The following IL1R1 variants were observed in gnomAD, a reference collection of about 807,000 sequenced individuals.
IL1R1 encodes the protein interleukin-1 receptor type 1.
Under a neutral mutation model 50.2 loss-of-function variants are expected in IL1R1, and 22 were observed. The ratio of observed to expected loss-of-function variants is 0.44; its 90% confidence interval spans 0.31 to 0.63. IL1R1 has a LOEUF of 0.63. Among genes scored for constraint, IL1R1 ranks in the 20% least tolerant of loss-of-function variants. The pLI, the probability that IL1R1 is intolerant of heterozygous loss-of-function variation, is 0.07. For missense variants in IL1R1, 509 were observed against 676.2 expected, an observed-to-expected ratio of 0.75 and a Z score of 2.74; for synonymous variants, 251 against 236.7, an observed-to-expected ratio of 1.06 and a Z score of -0.55.
intron 1 of IL1R1, among the ~76,000 whole-genome samples, chr2:102,084,923 T>C (rs748442257): frequency 3.3e-5 from 5 of 152,266 alleles, no homozygotes; most frequent in Non-Finnish European, 5.9e-5. Context: ...ATTTTCACCA[T>C]TCTGGTAAGA....
At chr2:102,078,383 A>G (rs992762855) in intron 1 of IL1R1, among the ~76,000 whole-genome samples, 6 of 152,248 alleles carry the variant, frequency 3.9e-5, no homozygotes, top group Admixed American at 1.3e-4. Flanking sequence ...AGGGGACCTT[A>G]CAGAAATAAG....
intron 10 of IL1R1, among the ~76,000 whole-genome samples, chr2:102,174,957 G>A (rs1685992128): frequency 6.6e-6 from 1 of 152,112 alleles, no homozygotes; most frequent in African/African-American, 2.4e-5. Flanking sequence ...AGAATAAACA[G>A]GTATTTAGAG....
At chr2:102,099,582 G>T (rs139884905), upstream of IL1R1, among the ~76,000 whole-genome samples, 410 of 152,190 alleles carry the variant, frequency 2.7e-3, 2 homozygotes, top group African/African-American at 9.6e-3. Flanking sequence ...GTCTTCTTCG[G>T]CCATGAACAG....
intron 1 of IL1R1, among the ~76,000 whole-genome samples, chr2:102,112,530 T>C (rs1680829743): frequency 6.6e-6 from 1 of 152,098 alleles, no homozygotes; most frequent in African/African-American, 2.4e-5. Flanking sequence ...CAGGGCTTGC[T>C]TCTGAGAAGG....
upstream of IL1R1, among the ~76,000 whole-genome samples, chr2:102,101,578 G>A (rs1011817467): frequency 6.6e-6 from 1 of 152,082 alleles, no homozygotes; most frequent in African/African-American, 2.4e-5. Context: ...TCAATTGGGA[G>A]GTATAAGAAA....
Position 102,107,607 on chromosome 2 carries a change from G to A in IL1R1, c.-84+2735G>A, listed in dbSNP as rs545216388. ...GTATACATATGTAACAAACCTGCAT[G>A]TTGTGCACATGTACCCTAGAACTTA... On this transcript the variant is annotated intron_variant, in intron 1 of 10. Coordinates refer to the IL1R1 transcript ENST00000409329. Among the ~76,000 whole-genome samples, 7 of 152,148 alleles carry A rather than the reference G, an allele frequency of 4.6e-5. No individual in the cohort carries two copies. In the South Asian group the frequency reaches 1.2e-3, roughly 27 times the overall value.
intron 3 of IL1R1, among the ~76,000 whole-genome samples, chr2:102,159,426 T>C (rs1032333765): frequency 5.3e-5 from 8 of 152,180 alleles, no homozygotes; most frequent in Non-Finnish European, 1.2e-4. Context: ...TTCCTGCTTG[T>C]GTATGACCTC....
At chr2:102,072,063 C>T (rs1221689568) in intron 1 of IL1R1, among the ~76,000 whole-genome samples, 1 of 151,672 alleles carries the variant, frequency 6.6e-6, no homozygotes, top group East Asian at 1.9e-4. Flanking sequence ...TTCGAGACCA[C>T]CCTGGCTGAC....
At chr2:102,102,927 AT>A (rs1010816452), upstream of IL1R1, among the ~76,000 whole-genome samples, 8 of 152,172 alleles carry the variant, frequency 5.3e-5, no homozygotes, top group Non-Finnish European at 1.0e-4. Context: ...GGTCTCACTT[AT>A]AAGTGAGAAT....
chr2:102,117,597 T>C (rs1023158229), intron 1 of IL1R1, among the ~76,000 whole-genome samples: 2 of 152,242 alleles, frequency 1.3e-5, no homozygotes, highest in Admixed American at 1.3e-4. Context: ...TCTGGCCTGT[T>C]CCCTGCATAT....
chr2:102,173,580 A>T (rs2104633081), intron 9 of IL1R1, among the ~76,000 whole-genome samples: 1 of 152,368 alleles, frequency 6.6e-6, no homozygotes, highest in East Asian at 1.9e-4. Flanking sequence ...ACTAAAAAAT[A>T]TTGAGATAAA....
At chr2:102,103,990 GAAAAAAAAAA>G (rs72041212), upstream of IL1R1, among the ~76,000 whole-genome samples, 277 of 83,964 alleles carry the variant, frequency 3.3e-3, 2 homozygotes, top group Non-Finnish European at 3.6e-3. Context: ...GACTGTCTCA[GAAAAAAAAAA>G]AAAAAAAAAA....
chr2:102,136,087 C>G (rs1453147433), intron 1 of IL1R1, among the ~76,000 whole-genome samples: 1 of 152,092 alleles, frequency 6.6e-6, no homozygotes, highest in Non-Finnish European at 1.5e-5. Context: ...TGATAGGCTT[C>G]TATTATTCTC....
intron 1 of IL1R1, among the ~76,000 whole-genome samples, chr2:102,129,769 A>G (rs997027689): frequency 6.6e-6 from 1 of 152,224 alleles, no homozygotes; most frequent in Non-Finnish European, 1.5e-5. Flanking sequence ...AGAGGGCTGC[A>G]GAAGCTTTAT....
intron 1 of IL1R1, among the ~76,000 whole-genome samples, chr2:102,093,333 T>C (rs1324330795): frequency 2.0e-5 from 3 of 152,198 alleles, no homozygotes; most frequent in African/African-American, 7.2e-5. Flanking sequence ...AAAACCCTTG[T>C]GAGTCTTCAT....
chr2:102,096,695 G>A (rs1427231888), intron 1 of IL1R1, among the ~76,000 whole-genome samples: 1 of 151,570 alleles, frequency 6.6e-6, no homozygotes, highest in Non-Finnish European at 1.5e-5. Flanking sequence ...TTTGGTGAGT[G>A]GAAGTTTTTA....
intron 1 of IL1R1, among the ~76,000 whole-genome samples, chr2:102,086,413 C>G (rs1679431451): frequency 6.6e-6 from 1 of 151,840 alleles, no homozygotes; most frequent in African/African-American, 2.4e-5. Flanking sequence ...TTATGATGTG[C>G]TTTCTTTGTG....
At chr2:102,121,566 C>T (rs6712813) in intron 1 of IL1R1, among the ~76,000 whole-genome samples, 35,543 of 152,108 alleles carry the variant, frequency 0.23, 6,272 homozygotes, top group African/African-American at 0.49. Flanking sequence ...GCCTCCCTGG[C>T]TGTGTGGTCA....
chr2:102,088,530 C>T lies in IL1R1; in HGVS notation c.-84+17997C>T, dbSNP rs927559172. Among the ~76,000 whole-genome samples, 8 of 152,028 alleles carry T rather than the reference C, an allele frequency of 5.3e-5. No individual in the cohort carries two copies. In the East Asian group the frequency reaches 7.7e-4, roughly 15 times the overall value. On this transcript the variant is annotated intron_variant, in intron 1 of 11. Transcript: ENST00000409929. ...TCAGGCTTTGTTGTTAAGTTTATAG[C>T]GCATAGGTAGAGTAGATGTAGCCTA...
Sources: gnomAD v4.1 joint callset for allele counts (sites outside exome capture counted in the v4.1 genomes callset) on GRCh38, gnomAD v4.1.1 for gene constraint, MANE v1.5 for transcripts, NCBI Gene and HGNC (gene_info 2026-07-23, HGNC 2026-07-21) for gene names.